The following DCHS2 variants were observed in gnomAD, a reference collection of about 807,000 sequenced individuals.
DCHS2 encodes dachsous cadherin-related 2, also known as protocadherin-23.
In DCHS2, 142 loss-of-function variants were observed where a neutral mutation model predicts 182.4. That is an observed-to-expected ratio of 0.78 (90% CI 0.68 to 0.89). DCHS2 has a LOEUF of 0.89. Ranked by LOEUF, DCHS2 falls within the 40% of genes least tolerant of loss-of-function variation. The pLI is 0.00. For synonymous variants in DCHS2, 1,740 were observed against 1,663.3 expected, an observed-to-expected ratio of 1.05 and a Z score of -1.12; for missense variants, 4,319 against 4,198.6, an observed-to-expected ratio of 1.03 and a Z score of -0.79.
chr4:154,418,997 T>C (rs13150461), intron 1 of DCHS2, among the ~76,000 whole-genome samples: 48,859 of 152,216 alleles, frequency 0.32, 9,687 homozygotes, highest in East Asian at 0.82. Context: ...CAAGCCTATA[T>C]GCATGTGTAT....
intron 1 of DCHS2, among the ~76,000 whole-genome samples, chr4:154,420,294 TAG>T (rs1733057555): frequency 6.6e-6 from 1 of 152,004 alleles, no homozygotes; most frequent in African/African-American, 2.4e-5. Flanking sequence ...GATAGATAGA[TAG>T]ATAGATACGT....
chr4:154,263,428 T>G (rs1733079995), intron 14 of DCHS2, among the ~76,000 whole-genome samples: 1 of 151,942 alleles, frequency 6.6e-6, no homozygotes, highest in Non-Finnish European at 1.5e-5. Flanking sequence ...ATTATTGAGT[T>G]GGTACAGTTG....
intron 13 of DCHS2, among the ~76,000 whole-genome samples, chr4:154,289,975 T>C (rs1734576664): frequency 7.3e-6 from 1 of 137,858 alleles, no homozygotes; most frequent in Non-Finnish European, 1.6e-5. Flanking sequence ...ATAAAGGACA[T>C]CCAAATTGGA....
chr4:154,451,582 T>C (rs1734537793), intron 1 of DCHS2, among the ~76,000 whole-genome samples: 1 of 152,152 alleles, frequency 6.6e-6, no homozygotes, highest in South Asian at 2.1e-4. Context: ...GGGAGAAAAC[T>C]TGGGCCTGTT....
At chr4:154,361,736 G>A (rs1730132240) in intron 3 of DCHS2, among the ~76,000 whole-genome samples, 1 of 151,996 alleles carries the variant, frequency 6.6e-6, no homozygotes, top group Non-Finnish European at 1.5e-5. Flanking sequence ...AAACAACCAT[G>A]ACATCGCCAC....
intron 1 of DCHS2, among the ~76,000 whole-genome samples, chr4:154,382,264 T>C (rs1386766862): frequency 1.3e-5 from 2 of 152,168 alleles, no homozygotes; most frequent in African/African-American, 2.4e-5. Flanking sequence ...CCTTTCACCA[T>C]ATACAAAAAT....
rs538270138 is a variant in DCHS2, at chr4:154,273,455, G to A, written c.6464-3442C>T. On this transcript the variant is annotated intron_variant, in intron 13 of 19. Transcript: ENST00000357232. The stretch of plus-strand genomic sequence containing the variant: ...ATACAATGAACTTTGGGGACTTGGG[G>A]GAAAAGGTGGGGAAGTGAAGGATAA... Among the ~76,000 whole-genome samples, 5 of 152,096 alleles carry A rather than the reference G, an allele frequency of 3.3e-5. No individual in the cohort carries two copies. In the South Asian group the frequency reaches 8.3e-4, roughly 25 times the overall value.
At chr4:154,254,960 T>C (rs918748885) in intron 16 of DCHS2, among the ~76,000 whole-genome samples, 1 of 152,218 alleles carries the variant, frequency 6.6e-6, no homozygotes, top group South Asian at 2.1e-4. Flanking sequence ...AACACTATTA[T>C]TATTTCCTTT....
intron 12 of DCHS2, among the ~76,000 whole-genome samples, chr4:154,299,963 C>T (rs1280265731): frequency 6.6e-6 from 1 of 152,110 alleles, no homozygotes; most frequent in East Asian, 1.9e-4. Context: ...AGAAAGGGCA[C>T]ATAGTCCTAT....
Position 154,459,734 on chromosome 4 carries a change from T to TTC in DCHS2, c.2052+29568_2052+29569dup, listed in dbSNP as rs60259256. On this transcript the variant is annotated intron_variant, in intron 1 of 19. Coordinates refer to ENST00000357232, the MANE Select transcript of DCHS2 (RefSeq NM_001358235.2). ...CTCTGTCTCCAGCAGTATCTACACA[T>TTC]TCTCTCTCTCTCTCTCTCTCTCTCT... is the stretch of plus-strand genomic sequence containing the variant. Among the ~76,000 whole-genome samples, 926 of 135,286 alleles carry TTC rather than the reference T, an allele frequency of 6.8e-3. 15 individuals are homozygous for TTC. The highest frequency in any genetic ancestry group is 0.025 in the African/African-American group (841 of 33,232). The allele number at this position is 135,286 out of a possible 152,430, so 88.8% of individuals were successfully genotyped here. A position where few individuals can be genotyped will look rare whatever the true frequency, so the allele number is the denominator to read the frequency against.
At chr4:154,297,017 A>T (rs1357660635) in intron 13 of DCHS2, among the ~76,000 whole-genome samples, 8 of 152,176 alleles carry the variant, frequency 5.3e-5, no homozygotes, top group Non-Finnish European at 1.2e-4. Context: ...AAATGAACAA[A>T]CGAGGAAAAA....
intron 3 of DCHS2, chr4:154,357,357 G>A (rs753125652): frequency 7.9e-6 from 11 of 1,397,298 alleles, no homozygotes; most frequent in Non-Finnish European, 1.1e-5. Flanking sequence ...GCTGGTGGGA[G>A]CAGGGAAAAG....
intron 7 of DCHS2, among the ~76,000 whole-genome samples, chr4:154,323,794 T>C (rs1736173979): frequency 6.6e-6 from 1 of 152,056 alleles, no homozygotes; most frequent in Admixed American, 6.6e-5. Context: ...AAAATGAATT[T>C]CATGTTTAGA....
chr4:154,417,617 A>G (rs1732927343), intron 1 of DCHS2, among the ~76,000 whole-genome samples: 1 of 152,198 alleles, frequency 6.6e-6, no homozygotes, highest in African/African-American at 2.4e-5. Context: ...AAAACAAAAC[A>G]AAAAACTATT....
chr4:154,237,174 A>G lies in DCHS2; in HGVS notation c.7493-15T>C, dbSNP rs1263448058. ...AAATATTGTGCCTGAAAAATAAGAC[A>G]TAGTATTTCAACACTGTGAGGTGCA... On this transcript the variant is annotated splice_polypyrimidine_tract_variant and intron_variant, in intron 19 of 19. Transcript: ENST00000357232. The G allele has an allele frequency of 1.9e-6, 3 of 1,592,632 alleles. No individual in the cohort carries two copies.
chr4:154,373,999 TAGCAA>T, intron 2 of DCHS2: 2 of 824,230 alleles, frequency 2.4e-6, no homozygotes, highest in Middle Eastern at 4.0e-4. Context: ...GATATTTTAA[TAGCAA>T]AAAAAAAAAA....
intron 1 of DCHS2, among the ~76,000 whole-genome samples, chr4:154,380,327 C>T (rs1731113116): frequency 6.6e-6 from 1 of 152,266 alleles, no homozygotes; most frequent in East Asian, 1.9e-4. Context: ...TGATTCTTCT[C>T]ATCAGTTGGG....
intron 1 of DCHS2, among the ~76,000 whole-genome samples, chr4:154,426,884 A>T (rs1733353817): frequency 6.6e-6 from 1 of 152,222 alleles, no homozygotes; most frequent in African/African-American, 2.4e-5. Flanking sequence ...ATTTACCCTG[A>T]TGTGATTATT....
chr4:154,381,642 T>C (rs770373190), intron 1 of DCHS2, among the ~76,000 whole-genome samples: 110 of 151,936 alleles, frequency 7.2e-4, no homozygotes, highest in Admixed American at 2.6e-4. Flanking sequence ...ACAGCAATAA[T>C]GTTCAAGCTG....
Sources: allele counts gnomAD v4.1 joint callset (sites outside exome capture counted in the v4.1 genomes callset), GRCh38; gene constraint gnomAD v4.1.1; transcripts MANE v1.5; gene names NCBI Gene and HGNC (gene_info 2026-07-23, HGNC 2026-07-21).